Variants in DPP10 observed in about 807,000 individuals in gnomAD.
DPP10 encodes the protein dipeptidyl peptidase like 10.
In DPP10, 33 loss-of-function variants were observed where a neutral mutation model predicts 120.9. The ratio of observed to expected loss-of-function variants is 0.27; its 90% CI spans 0.21 to 0.37. The LOEUF (loss-of-function observed/expected upper bound fraction) is 0.37, where lower values mean the gene tolerates loss of function less well. Ranked by LOEUF, DPP10 falls within the 10% of genes least tolerant of loss-of-function variation. The pLI, the probability that DPP10 is intolerant of heterozygous loss-of-function variation, is 1.00. For missense variants in DPP10, 816 were observed against 942.8 expected (o/e 0.87, Z 1.76); for synonymous variants, 337 against 326.1 (o/e 1.03, Z -0.36).
chr2:114,846,361 A>G (rs930293415), intron 1 of DPP10, among the ~76,000 whole-genome samples: 6 of 152,144 alleles, frequency 3.9e-5, no homozygotes, highest in Non-Finnish European at 7.4e-5. Context: ...GAGGAAGACT[A>G]TGGGGTTCTG....
chr2:114,707,902 CA>C (rs955120888), intron 1 of DPP10, among the ~76,000 whole-genome samples: 1 of 152,100 alleles, frequency 6.6e-6, no homozygotes, highest in Non-Finnish European at 1.5e-5. Flanking sequence ...TTTCCAATCC[CA>C]GGGGGACTCT....
At chr2:114,985,548 G>A (rs1440654154) in intron 1 of DPP10, among the ~76,000 whole-genome samples, 1 of 152,232 alleles carries the variant, frequency 6.6e-6, no homozygotes, top group African/African-American at 2.4e-5. Flanking sequence ...TAGTAAGCAA[G>A]TGGTAAATGT....
At chr2:115,750,339 G>GAT (rs1456072135) in intron 10 of DPP10, 3 of 447,438 alleles carry the variant, frequency 6.7e-6, no homozygotes, top group Non-Finnish European at 8.9e-6. Context: ...TGAGTTAATA[G>GAT]ATATATCTTT....
chr2:115,287,520 C>A (rs1261104381), intron 1 of DPP10, among the ~76,000 whole-genome samples: 2 of 152,050 alleles, frequency 1.3e-5, no homozygotes, highest in Non-Finnish European at 2.9e-5. Flanking sequence ...AGCTTAGCTC[C>A]CATTTATAAG....
intron 1 of DPP10, among the ~76,000 whole-genome samples, chr2:114,851,733 A>G (rs1688957932): frequency 6.6e-6 from 1 of 152,130 alleles, no homozygotes; most frequent in African/African-American, 2.4e-5. Flanking sequence ...AATGGTTTTC[A>G]ATCATGTAGG....
intron 1 of DPP10, among the ~76,000 whole-genome samples, chr2:114,767,301 T>C (rs996113108): frequency 1.4e-5 from 2 of 144,870 alleles, no homozygotes; most frequent in African/African-American, 5.0e-5. Flanking sequence ...AATATATATA[T>C]ATAAATATAT....
chr2:114,685,320 G>T (rs1699292373), intron 1 of DPP10, among the ~76,000 whole-genome samples: 1 of 148,518 alleles, frequency 6.7e-6, no homozygotes, highest in Non-Finnish European at 1.5e-5. Flanking sequence ...CCCATGCTGG[G>T]ATAGTTATTT....
chr2:114,986,301 T>C (rs1304390953), intron 1 of DPP10, among the ~76,000 whole-genome samples: 1 of 152,222 alleles, frequency 6.6e-6, no homozygotes, highest in Non-Finnish European at 1.5e-5. Context: ...ATGGTCATTA[T>C]TTCTAAGTGC....
At chr2:115,048,272 T>C (rs963315802) in intron 1 of DPP10, among the ~76,000 whole-genome samples, 3 of 151,980 alleles carry the variant, frequency 2.0e-5, no homozygotes, top group Admixed American at 6.6e-5. Context: ...CCAAATCAAA[T>C]TATCAGTATT....
At chr2:114,990,550 C>T (rs912474713) in intron 1 of DPP10, among the ~76,000 whole-genome samples, 21 of 152,032 alleles carry the variant, frequency 1.4e-4, no homozygotes, top group Non-Finnish European at 2.4e-4. Context: ...GGATTTTCTG[C>T]GATTTCTTTA....
At chr2:114,485,740 C>T (rs2104702729) in intron 1 of DPP10, among the ~76,000 whole-genome samples, 1 of 152,140 alleles carries the variant, frequency 6.6e-6, no homozygotes, top group African/African-American at 2.4e-5. Context: ...TTTTCCCTTG[C>T]CTTATTCTTC....
intron 3 of DPP10, among the ~76,000 whole-genome samples, chr2:115,345,219 G>T (rs927437176): frequency 2.6e-5 from 4 of 152,132 alleles, no homozygotes; most frequent in African/African-American, 9.6e-5. Context: ...AAGAACACAA[G>T]GTAGCGTTTT....
At chr2:115,093,036 C>T (rs992796819) in intron 1 of DPP10, among the ~76,000 whole-genome samples, 9 of 152,072 alleles carry the variant, frequency 5.9e-5, no homozygotes, top group African/African-American at 2.2e-4. Context: ...TTTTGCCACC[C>T]ATTAAGATAA....
At chr2:115,300,741 T>C (rs904178723) in intron 1 of DPP10, among the ~76,000 whole-genome samples, 1 of 152,090 alleles carries the variant, frequency 6.6e-6, no homozygotes, top group Non-Finnish European at 1.5e-5. Flanking sequence ...CTTGATTTTC[T>C]TTAGTTTGTC....
chr2:114,891,270 A>G (rs1353925191), intron 1 of DPP10, among the ~76,000 whole-genome samples: 3 of 152,214 alleles, frequency 2.0e-5, no homozygotes, highest in Non-Finnish European at 4.4e-5. Flanking sequence ...AGGGACAAGT[A>G]GAAATTCAAG....
intron 1 of DPP10, among the ~76,000 whole-genome samples, chr2:114,566,191 C>T (rs919497223): frequency 6.6e-6 from 1 of 152,094 alleles, no homozygotes; most frequent in African/African-American, 2.4e-5. Flanking sequence ...AGACAATTCA[C>T]TGAGCAAACC....
At chr2:115,572,231 T>C (rs1052625712) in intron 5 of DPP10, among the ~76,000 whole-genome samples, 3 of 151,850 alleles carry the variant, frequency 2.0e-5, no homozygotes, top group Non-Finnish European at 2.9e-5. Flanking sequence ...TTTTTTTGCA[T>C]CAATATTCTG....
chr2:115,327,370 G>A (rs973368437), intron 2 of DPP10, among the ~76,000 whole-genome samples: 1 of 152,006 alleles, frequency 6.6e-6, no homozygotes, highest in African/African-American at 2.4e-5. Context: ...AAATCATGAT[G>A]AATTTCACTA....
chr2:114,853,966 G>A (rs963873410), intron 1 of DPP10, among the ~76,000 whole-genome samples: 1 of 152,188 alleles, frequency 6.6e-6, no homozygotes, highest in Non-Finnish European at 1.5e-5. Context: ...GAGAGCCTAA[G>A]CCAGAGCCAC....
Sources: gnomAD v4.1 joint callset for allele counts (sites outside exome capture counted in the v4.1 genomes callset) on GRCh38, gnomAD v4.1.1 for gene constraint, MANE v1.5 for transcripts, NCBI Gene and HGNC (gene_info 2026-07-23, HGNC 2026-07-21) for gene names.